The following RYR3 variants were observed in gnomAD, a reference collection of about 807,000 sequenced individuals.
RYR3 encodes ryanodine receptor 3.
A neutral mutation model predicts 584.3 loss-of-function variants in RYR3; 207 were observed. The observed-to-expected ratio is 0.35, with a 90% CI of 0.32 to 0.40. The LOEUF (loss-of-function observed/expected upper bound fraction) is 0.40. Ranked by LOEUF, RYR3 falls within the 10% of genes least tolerant of loss-of-function variation. The pLI is 1.00. For synonymous variants in RYR3, 2,416 were observed against 2,248.5 expected (o/e 1.07, Z -2.11); for missense variants, 5,616 against 6,089.2 (o/e 0.92, Z 2.59).
intron 3 of RYR3, among the ~76,000 whole-genome samples, chr15:33,529,440 C>T (rs2054663417): frequency 1.3e-5 from 2 of 152,162 alleles, no homozygotes; most frequent in South Asian, 4.1e-4. Flanking sequence ...CTCTGCATTG[C>T]TCATTGGTGT....
chr15:33,464,501 T>TATATATATACAA (rs2048325294), intron 1 of RYR3, among the ~76,000 whole-genome samples: 1 of 100,154 alleles, frequency 1.0e-5, no homozygotes, highest in Non-Finnish European at 2.1e-5. Flanking sequence ...CACATATATA[T>TATATATATACAA]ATACATACAC....
At chr15:33,318,142 T>C (rs1315589605) in intron 1 of RYR3, among the ~76,000 whole-genome samples, 3 of 152,214 alleles carry the variant, frequency 2.0e-5, no homozygotes, top group African/African-American at 7.2e-5. Context: ...CAGAGAGAGC[T>C]CTGGAGACAG....
intron 76 of RYR3, 59 bp from the exon 77 acceptor site, chr15:33,819,697 A>AATAC (rs2077007142): frequency 1.1e-6 from 1 of 885,218 alleles, no homozygotes; most frequent in African/African-American, 1.8e-5. Flanking sequence ...TAAATAAATA[A>AATAC]ATAAATAAAT....
rs577554238 is a variant in RYR3, at chr15:33,550,266, C to G, written c.922C>G (p.Arg308Gly). The G allele has an allele frequency of 3.1e-6, 5 of 1,613,558 alleles. No individual in the cohort carries two copies. The highest frequency in any genetic ancestry group is 4.2e-6 in the Non-Finnish European group (5 of 1,179,726). The change falls in exon 10 of 104, where the codon CGG becomes GGG. Residue 308 changes from arginine to glycine, a missense_variant. Coordinates refer to ENST00000634891, the MANE Select transcript of RYR3 (RefSeq NM_001036.6). The part of the protein sequence containing the change: ...TEDQGLILQD[R>G]AKSDTKSTAF... ...AGACCAAGGCCTTATACTGCAAGACCGGGCAAAGTCAGACACCAAGTCCAC... is the reference window on the plus strand; with the variant it reads ...AGACCAAGGCCTTATACTGCAAGACGGGGCAAAGTCAGACACCAAGTCCAC...
intron 38 of RYR3, among the ~76,000 whole-genome samples, chr15:33,684,619 C>T (rs1019285726): frequency 4.6e-5 from 7 of 152,152 alleles, no homozygotes; most frequent in East Asian, 3.9e-4. Flanking sequence ...AGATATTCCT[C>T]GAGAAGAGCA....
chr15:33,514,058 A>T (rs779597499), intron 3 of RYR3, among the ~76,000 whole-genome samples: 1 of 152,186 alleles, frequency 6.6e-6, no homozygotes, highest in South Asian at 2.1e-4. Flanking sequence ...GTTTAAAAAA[A>T]TGCCTTAAAA....
At chr15:33,757,652 C>CAT in intron 60 of RYR3, 56 bp downstream of exon 60, 1 of 1,572,210 alleles carries the variant, frequency 6.4e-7, no homozygotes, top group Non-Finnish European at 8.7e-7. Flanking sequence ...ACTTAAAATG[C>CAT]CAGGTCCCTG....
intron 19 of RYR3, among the ~76,000 whole-genome samples, chr15:33,613,856 G>A (rs2060320864): frequency 6.6e-6 from 1 of 152,096 alleles, no homozygotes; most frequent in Admixed American, 6.5e-5. Context: ...ACAATAATGA[G>A]CCTTTTCCTG....
At chr15:33,794,129 TTA>T (rs2075383235) in intron 67 of RYR3, among the ~76,000 whole-genome samples, 2 of 49,008 alleles carry the variant, frequency 4.1e-5, no homozygotes, top group South Asian at 1.6e-3. Context: ...AAATATATAT[TTA>T]TATATAATAT....
rs1971070524 is a variant in RYR3 at position 33,336,490 on chromosome 15, G to A, written c.51+25394G>A. On this transcript the variant is annotated intron_variant, in intron 1 of 103. Transcript: ENST00000634891. ...AGAGAGAGAGAGAGAGAGAGAGAAA[G>A]AAAGAAAGAAAGAAGGAGGGAAGGA... 4.0e-5 allele frequency among the ~76,000 whole-genome samples: 2 copies of A among 50,210 alleles called. 1 individual carries two copies. The highest frequency in any genetic ancestry group is 3.6e-4 in the Admixed American group (2 of 5,552). 32.9% of individuals were successfully genotyped at this position (50,210 alleles called of 152,430 possible). A position where few individuals can be genotyped will look rare whatever the true frequency, so the allele number is the denominator to read the frequency against.
At chr15:33,840,692 G>C (rs1187635113) in intron 89 of RYR3, 133 bp from the exon 90 acceptor site, 6 of 751,080 alleles carry the variant, frequency 8.0e-6, no homozygotes, top group Non-Finnish European at 1.4e-5. Context: ...CTTATGTTCA[G>C]TGATCCTGAG....
intron 24 of RYR3, among the ~76,000 whole-genome samples, chr15:33,633,746 T>C (rs1455073615): frequency 1.3e-5 from 2 of 152,210 alleles, no homozygotes; most frequent in Non-Finnish European, 2.9e-5. Flanking sequence ...GGGTGACTTA[T>C]CACTACAATT....
chr15:33,803,908 G>T (rs1381055006), intron 69 of RYR3, among the ~76,000 whole-genome samples: 2 of 152,200 alleles, frequency 1.3e-5, no homozygotes, highest in African/African-American at 4.8e-5. Context: ...CAATGGAAAT[G>T]AATCTGATAC....
At chr15:33,727,818 T>G (rs1486064366) in intron 46 of RYR3, among the ~76,000 whole-genome samples, 1 of 152,228 alleles carries the variant, frequency 6.6e-6, no homozygotes, top group East Asian at 1.9e-4. Context: ...TTGGGGGTCC[T>G]CTTTCCTAGT....
intron 103 of RYR3, chr15:33,864,874 C>CATTG (rs1412751065): frequency 1.6e-5 from 7 of 440,224 alleles, no homozygotes; most frequent in East Asian, 7.1e-5. Flanking sequence ...TAGTGGCAAA[C>CATTG]ATTGATTGGT....
intron 67 of RYR3, among the ~76,000 whole-genome samples, chr15:33,789,001 G>A (rs1405497464): frequency 6.6e-6 from 1 of 152,154 alleles, no homozygotes; most frequent in Non-Finnish European, 1.5e-5. Context: ...ATGTTACTGA[G>A]AAATCAACAT....
rs190644051 is a variant in RYR3 at position 33,530,638 on chromosome 15, T to C, written c.326T>C (p.Val109Ala). ...GHRTLLYGHA[V>A]LLRHSFSGMY... ...AGGACCCTGTTATACGGCCATGCAGTTCTCCTGAGGCACTCTTTCAGCGGA... is the reference window on the plus strand; with the variant it reads ...AGGACCCTGTTATACGGCCATGCAGCTCTCCTGAGGCACTCTTTCAGCGGA... Residue 109 changes from valine to alanine, a missense_variant, in exon 4 of 104, where the codon GTT (valine) becomes GCT (alanine). Val to Ala is a moderately conservative substitution (Grantham distance 64). Coordinates refer to ENST00000634891, the MANE Select transcript of RYR3 (RefSeq NM_001036.6). The C allele has an allele frequency of 6.2e-7, 1 of 1,613,664 alleles. No individual in the cohort carries two copies. The highest frequency in any genetic ancestry group is 2.2e-5 in the East Asian group (1 of 44,866).
At chr15:33,815,790 T>C (rs1596763817) in intron 74 of RYR3, 1 of 398,420 alleles carries the variant, frequency 2.5e-6, no homozygotes, top group South Asian at 1.3e-4. Flanking sequence ...GGAAACTGTC[T>C]CTGATGCTAG....
At chr15:33,745,465 C>A (rs2070599658) in intron 52 of RYR3, among the ~76,000 whole-genome samples, 1 of 151,910 alleles carries the variant, frequency 6.6e-6, no homozygotes. Flanking sequence ...GAAAGAGCAG[C>A]CAGGAGTCTT....
Sources: allele counts gnomAD v4.1 joint callset (sites outside exome capture counted in the v4.1 genomes callset), GRCh38; gene constraint gnomAD v4.1.1; transcripts MANE v1.5; gene names NCBI Gene and HGNC (gene_info 2026-07-23, HGNC 2026-07-21).